The following XIRP2 variants were observed in gnomAD, a reference collection of about 807,000 sequenced individuals.
The protein encoded by XIRP2 is xin actin binding repeat containing 2, also known as xin actin-binding repeat-containing protein 2.
Under a neutral mutation model 277.0 loss-of-function variants are expected in XIRP2, and 236 were observed. That is an observed-to-expected ratio of 0.85 (90% confidence interval 0.77 to 0.95). XIRP2 has a LOEUF of 0.95. Ranked by LOEUF, XIRP2 falls within the 40% of genes least tolerant of loss-of-function variation. The probability of loss-of-function intolerance (pLI) is 0.00; values close to 1 mark genes in which losing one functional copy is unlikely to be tolerated. For missense variants in XIRP2, 4,640 were observed against 4,157.5 expected (o/e 1.12, Z -3.19); for synonymous variants, 1,490 against 1,416.5 (o/e 1.05, Z -1.17).
intron 4 of XIRP2, among the ~76,000 whole-genome samples, chr2:167,216,224 A>C (rs2105397993): frequency 1.8e-5 from 1 of 56,538 alleles, no homozygotes; most frequent in African/African-American, 7.3e-5. Context: ...AGGCGTGGGC[A>C]AGGACTTCAT....
chr2:166,911,440 T>G (rs985851000), intron 2 of XIRP2, among the ~76,000 whole-genome samples: 7 of 152,158 alleles, frequency 4.6e-5, no homozygotes, highest in Admixed American at 6.6e-5. Flanking sequence ...ACCCCTGCCT[T>G]TTTTTGTTTT....
chr2:166,928,033 C>G (rs1486472908), intron 2 of XIRP2, among the ~76,000 whole-genome samples: 1 of 152,028 alleles, frequency 6.6e-6, no homozygotes, highest in Non-Finnish European at 1.5e-5. Flanking sequence ...TTTTTTTTCT[C>G]TCTGCCTTCA....
intron 3 of XIRP2, among the ~76,000 whole-genome samples, chr2:167,202,943 CT>C (rs1224169373): frequency 1.3e-5 from 2 of 152,118 alleles, no homozygotes; most frequent in East Asian, 3.9e-4. Context: ...ATTTGTGGAC[CT>C]TATTCCCATC....
chr2:166,903,778 A>G lies in XIRP2; in HGVS notation c.296A>G (p.Asp99Gly), dbSNP rs1459563629. 1 of 1,613,548 alleles carries G rather than the reference A, an allele frequency of 6.2e-7. No homozygotes were observed. Among genetic ancestry groups the G allele is most frequent in the Admixed American group, 1.7e-5 (1 of 59,896 alleles). The change falls in exon 2 of 11, where the codon GAT becomes GGT. Residue 99 changes from aspartate to glycine, a missense_variant. Coordinates refer to ENST00000409195, the MANE Select transcript of XIRP2 (RefSeq NM_152381.6). Reference sequence around the variant, plus strand: ...GGTCGGCCAGAAGTGCTGAAGGAGGATTCCCTGAGCAGTCGGCGCAGGATT... The same window carrying G: ...GGTCGGCCAGAAGTGCTGAAGGAGGGTTCCCTGAGCAGTCGGCGCAGGATT... ...EYGRPEVLKE[D>G]SLSSRRRIER...
rs1573925537 is a variant in XIRP2, at chr2:167,162,854, A to G, written c.562+26792A>G. On this transcript the variant is annotated intron_variant, in intron 3 of 10. Transcript: ENST00000409195. ...AGCCCAGAAGTCCAGAAGTAACCACAATCTGATTGTAACCATATATCTTAG... is the reference window on the plus strand; with the variant it reads ...AGCCCAGAAGTCCAGAAGTAACCACGATCTGATTGTAACCATATATCTTAG... Among the ~76,000 whole-genome samples the G allele has an allele frequency of 3.3e-5, 5 of 152,262 alleles. No individual in the cohort carries two copies. The South Asian group carries it at 1.0e-3, about 32-fold the overall frequency.
chr2:167,016,415 C>G (rs1414849004), intron 2 of XIRP2, among the ~76,000 whole-genome samples: 1 of 151,924 alleles, frequency 6.6e-6, no homozygotes, highest in African/African-American at 2.4e-5. Flanking sequence ...GATGCCTCTT[C>G]AGTCTCCTGA....
chr2:166,925,596 CATATATATAT>C (rs3060398), intron 2 of XIRP2, among the ~76,000 whole-genome samples: 1,451 of 102,446 alleles, frequency 0.014, 40 homozygotes, highest in African/African-American at 0.04. Context: ...TGTGTATATA[CATATATATAT>C]ATATATATAT....
chr2:167,136,882 A>G (rs1429662341), intron 3 of XIRP2, among the ~76,000 whole-genome samples: 1 of 152,240 alleles, frequency 6.6e-6, no homozygotes, highest in Non-Finnish European at 1.5e-5. Context: ...TCTTTGGAAT[A>G]TTACAGTTCA....
At chr2:166,960,552 CTTGAAAGGACAAATTT>C (rs1327709923) in intron 2 of XIRP2, among the ~76,000 whole-genome samples, 1 of 151,682 alleles carries the variant, frequency 6.6e-6, no homozygotes, top group East Asian at 1.9e-4. Flanking sequence ...CTACACCACT[CTTGAAAGGACAAATTT>C]TTCAGGAGTT....
intron 2 of XIRP2, among the ~76,000 whole-genome samples, chr2:167,071,752 C>A (rs1447149569): frequency 6.6e-6 from 1 of 152,196 alleles, no homozygotes; most frequent in Non-Finnish European, 1.5e-5. Flanking sequence ...CTTCTGGAAG[C>A]TGGCAGACCT....
intron 2 of XIRP2, among the ~76,000 whole-genome samples, chr2:167,023,275 G>T (rs1358789660): frequency 4.0e-5 from 6 of 149,112 alleles, no homozygotes; most frequent in Admixed American, 1.3e-4. Context: ...GTCTGTTCAT[G>T]TCCTTCACCC....
chr2:167,161,595 T>G (rs1287428317), intron 3 of XIRP2, among the ~76,000 whole-genome samples: 1 of 152,150 alleles, frequency 6.6e-6, no homozygotes, highest in African/African-American at 2.4e-5. Context: ...AGCTGGGACA[T>G]AGGGCACCAA....
At chr2:166,902,932 T>A (rs1684418717) in intron 1 of XIRP2, among the ~76,000 whole-genome samples, 1 of 152,126 alleles carries the variant, frequency 6.6e-6, no homozygotes, top group African/African-American at 2.4e-5. Flanking sequence ...GTAAAGTCAT[T>A]ATCAAAGTGT....
At chr2:166,972,230 C>T (rs2105421389) in intron 2 of XIRP2, among the ~76,000 whole-genome samples, 1 of 152,242 alleles carries the variant, frequency 6.6e-6, no homozygotes, top group Admixed American at 6.5e-5. Flanking sequence ...AACCTTCCTG[C>T]ACCTTGATCT....
intron 2 of XIRP2, among the ~76,000 whole-genome samples, chr2:167,011,444 G>C (rs7580920): frequency 0.32 from 47,502 of 148,092 alleles, 8,295 homozygotes; most frequent in African/African-American, 0.44. Context: ...GGTGGATAAG[G>C]TTTTTGATGT....
At position 167,249,003 on chromosome 2, in the gene XIRP2, G is replaced by A; in HGVS notation, c.7611G>A (p.Met2537Ile). The change falls in exon 9 of 11, where the codon ATG becomes ATA. Residue 2537 changes from methionine to isoleucine, a missense_variant. Physicochemically the swap from Met to Ile is conservative, Grantham distance 10. Coordinates refer to ENST00000409195, the MANE Select transcript of XIRP2 (RefSeq NM_152381.6). ...GACAACAAAATCCAAAACCTTATAT[G>A]AGAAAATTTAAGACACCTTTAATGA... is the stretch of plus-strand genomic sequence containing the variant. ...SSGQQNPKPY[M>I]RKFKTPLMIA... 1 of 1,611,226 alleles carries A rather than the reference G, an allele frequency of 6.2e-7. No homozygotes were observed. The highest frequency in any genetic ancestry group is 1.7e-5 in the Admixed American group (1 of 59,370).
chr2:167,211,010 C>A, intron 4 of XIRP2, 115 bp downstream of exon 4: 1 of 1,286,440 alleles, frequency 7.8e-7, no homozygotes, highest in Non-Finnish European at 1.1e-6. Flanking sequence ...GTAGAAAGAG[C>A]ACAAAAATAG....
rs181970079 is a variant in XIRP2 at position 166,889,078 on chromosome 2, A to C, written c.-19+521A>C. ...GCAGCTGACAGCCCCATTCTGAATA[A>C]GCATTCAGGCACACAGACCAGGGTG... is the stretch of plus-strand genomic sequence containing the variant. On this transcript the variant is annotated intron_variant, in intron 1 of 10. Transcript: ENST00000409195. 1.9e-4 allele frequency among the ~76,000 whole-genome samples: 29 copies of C among 152,230 alleles called. No homozygotes were observed. In the East Asian group the frequency reaches 4.3e-3, roughly 22 times the overall value.
At chr2:167,254,865 A>G (rs1031820824) in intron 10 of XIRP2, among the ~76,000 whole-genome samples, 1 of 151,782 alleles carries the variant, frequency 6.6e-6, no homozygotes, top group Non-Finnish European at 1.5e-5. Flanking sequence ...ATTTAACTGA[A>G]TGTGACATTT....
Sources: allele counts gnomAD v4.1 joint callset (sites outside exome capture counted in the v4.1 genomes callset), GRCh38; gene constraint gnomAD v4.1.1; transcripts MANE v1.5; gene names NCBI Gene and HGNC (gene_info 2026-07-23, HGNC 2026-07-21).